CPAP: variants seen among roughly 807,000 people sequenced by gnomAD.
CPAP encodes the protein centrosome assembly and centriole elongation protein, also known as centrosomal P4.1-associated protein.
At chr13:24,884,931 G>A in the CPAP span, among the ~76,000 whole-genome samples, 2 of 152,140 alleles carry the variant, frequency 1.3e-5, no homozygotes, top group Non-Finnish European at 2.9e-5. Flanking sequence ...GAACCCCCAG[G>A]CAGTTTTCCC....
the CPAP span, chr13:24,892,644 G>A: frequency 1.4e-5 from 22 of 1,612,154 alleles, no homozygotes; most frequent in African/African-American, 4.0e-5. Context: ...CCTGCCTACC[G>A]CAAGCTTGTC....
chr13:24,905,384 T>C, the CPAP span: 3 of 1,614,178 alleles, frequency 1.9e-6, no homozygotes, highest in Non-Finnish European at 2.5e-6. Context: ...CTTGAGTTCA[T>C]TTCCCAAGTG....
At chr13:24,905,624 T>C in the CPAP span, 1 of 1,614,208 alleles carries the variant, frequency 6.2e-7, no homozygotes, top group East Asian at 2.2e-5. Flanking sequence ...GTTACACAAA[T>C]TCTCTTCAAG....
chr13:24,891,175 C>T, the CPAP span, among the ~76,000 whole-genome samples: 1 of 152,152 alleles, frequency 6.6e-6, no homozygotes, highest in Non-Finnish European at 1.5e-5. Flanking sequence ...CCACACCTGA[C>T]ACAGGTGGTC....
At chr13:24,921,948 T>C in the CPAP span, among the ~76,000 whole-genome samples, 1 of 152,192 alleles carries the variant, frequency 6.6e-6, no homozygotes, top group East Asian at 1.9e-4. Context: ...TTATTGATAC[T>C]GAGGTCTTGG....
At chr13:24,929,006 T>G in the CPAP span, among the ~76,000 whole-genome samples, 4 of 146,258 alleles carry the variant, frequency 2.7e-5, no homozygotes, top group Admixed American at 6.8e-5. Context: ...ATTTTTGCTT[T>G]CTTTAAAAAT....
the CPAP span, among the ~76,000 whole-genome samples, chr13:24,904,282 C>T: frequency 2.6e-5 from 4 of 152,136 alleles, no homozygotes; most frequent in African/African-American, 9.7e-5. Flanking sequence ...AAAAGAGTAT[C>T]GACCTGACAA....
chr13:24,884,734 C>T, the CPAP span, among the ~76,000 whole-genome samples: 2 of 152,222 alleles, frequency 1.3e-5, no homozygotes, highest in Non-Finnish European at 2.9e-5. Flanking sequence ...GAAAGTCTAA[C>T]TACTGCTTTG....
At chr13:24,912,429 T>TA in the CPAP span, among the ~76,000 whole-genome samples, 1 of 152,198 alleles carries the variant, frequency 6.6e-6, no homozygotes, top group African/African-American at 2.4e-5. Context: ...TAAACACACT[T>TA]AAATGTTTCA....
the CPAP span, chr13:24,905,234 C>T: frequency 2.9e-6 from 3 of 1,027,892 alleles, no homozygotes; most frequent in South Asian, 1.4e-5. Context: ...ATTAATTTGA[C>T]TTAATTCTAT....
At chr13:24,915,403 C>T in the CPAP span, among the ~76,000 whole-genome samples, 12 of 152,174 alleles carry the variant, frequency 7.9e-5, no homozygotes, top group South Asian at 6.2e-4. Context: ...TGGAACTCAC[C>T]GAAGAGGCCA....
At chr13:24,890,020 A>G in the CPAP span, among the ~76,000 whole-genome samples, 1 of 152,152 alleles carries the variant, frequency 6.6e-6, no homozygotes, top group African/African-American at 2.4e-5. Flanking sequence ...AACATCTGCA[A>G]TTATCAATAA....
the CPAP span, among the ~76,000 whole-genome samples, chr13:24,891,410 C>T: frequency 5.3e-5 from 8 of 152,152 alleles, no homozygotes; most frequent in Admixed American, 2.6e-4. Flanking sequence ...CTGTGTGTCT[C>T]GTAGGCATTT....
chr13:24,905,475 T>C, the CPAP span: 39 of 1,614,114 alleles, frequency 2.4e-5, no homozygotes, highest in African/African-American at 2.0e-4. Context: ...CTGCTCCTCC[T>C]GGACTTGCTC....
the CPAP span, among the ~76,000 whole-genome samples, chr13:24,910,744 C>T: frequency 1.3e-5 from 2 of 152,184 alleles, no homozygotes; most frequent in East Asian, 1.9e-4. Context: ...TGCGGTTCTA[C>T]CTTTAAAAGT....
the CPAP span, chr13:24,883,857 T>C: frequency 2.4e-6 from 3 of 1,258,752 alleles, no homozygotes; most frequent in Non-Finnish European, 3.5e-6. Flanking sequence ...AACCCCCTAA[T>C]ATGGGTGTCA....
chr13:24,886,066 T>A, the CPAP span: 1 of 363,128 alleles, frequency 2.8e-6, no homozygotes, highest in East Asian at 7.2e-5. Flanking sequence ...GTATAAACTT[T>A]TTGTAATATG....
At chr13:24,905,447 T>A in the CPAP span, 1 of 1,614,218 alleles carries the variant, frequency 6.2e-7, no homozygotes, top group Non-Finnish European at 8.5e-7. Context: ...CATCATCAGC[T>A]CCGATGTAGG....
chr13:24,933,177 C>T, the CPAP span: 97 of 1,411,182 alleles, frequency 6.9e-5, no homozygotes, highest in African/African-American at 1.1e-3. Context: ...TAAAACATCG[C>T]GCATTCAGGG....
Sources: allele counts gnomAD v4.1 joint callset (sites outside exome capture counted in the v4.1 genomes callset), GRCh38; gene constraint gnomAD v4.1.1; transcripts MANE v1.5; gene names NCBI Gene and HGNC (gene_info 2026-07-23, HGNC 2026-07-21).